The following ERH variants were observed in gnomAD, a reference collection of about 807,000 sequenced individuals.
ERH encodes ERH mRNA splicing and mitosis factor.
ERH carries 1 observed loss-of-function variant against 16.8 expected under a neutral mutation model. The observed-to-expected ratio is 0.06, with a 90% CI of 0.02 to 0.28. The LOEUF (loss-of-function observed/expected upper bound fraction) is 0.28. Ranked by LOEUF, ERH falls within the 10% of genes least tolerant of loss-of-function variation. ERH has a pLI of 1.00. For missense variants in ERH, 42 were observed against 127.5 expected, an observed-to-expected ratio of 0.33 and a Z score of 3.23; for synonymous variants, 43 against 43.6, an observed-to-expected ratio of 0.99 and a Z score of 0.05.
chr14:69,388,677 T>C (rs1312340358), intron 2 of ERH, among the ~76,000 whole-genome samples: 1 of 152,122 alleles, frequency 6.6e-6, no homozygotes, highest in Non-Finnish European at 1.5e-5. Flanking sequence ...CTCTCCTTTC[T>C]TATTCCCACA....
At position 69,380,223 on chromosome 14, in the gene ERH, T is replaced by G; in HGVS notation, c.*315A>C. 2.1e-5 allele frequency: 4 copies of G among 186,726 alleles called. No homozygotes were observed. The highest frequency in any genetic ancestry group is 1.3e-4 in the East Asian group (1 of 7,988). 11.6% of individuals were successfully genotyped at this position (186,726 alleles called of 1,614,324 possible). On this transcript the variant is annotated 3_prime_UTR_variant, in exon 4 of 4. Transcript: ENST00000557016. ...CCCCCCACCCCATCTTGAAGAAGGG[T>G]TAGTATGTGAATGTTATAAAGTAGA... is the stretch of plus-strand genomic sequence containing the variant.
intron 2 of ERH, among the ~76,000 whole-genome samples, chr14:69,388,243 T>C (rs1316031531): frequency 6.6e-6 from 1 of 152,188 alleles, no homozygotes; most frequent in Non-Finnish European, 1.5e-5. Flanking sequence ...AACAAGGATA[T>C]AAGTACTTAA....
At chr14:69,396,936 C>T (rs1882352398) in intron 1 of ERH, among the ~76,000 whole-genome samples, 1 of 152,184 alleles carries the variant, frequency 6.6e-6, no homozygotes, top group African/African-American at 2.4e-5. Flanking sequence ...TTTGTAGAAA[C>T]CACGTGCATT....
chr14:69,385,433 T>C (rs2045885736), intron 3 of ERH, among the ~76,000 whole-genome samples: 1 of 152,130 alleles, frequency 6.6e-6, no homozygotes, highest in Admixed American at 6.6e-5. Context: ...ATACAGAAGA[T>C]AATTCCCCCC....
At chr14:69,394,034 A>G (rs1882278504) in intron 2 of ERH, among the ~76,000 whole-genome samples, 1 of 152,080 alleles carries the variant, frequency 6.6e-6, no homozygotes. Context: ...GAAAAAAAAA[A>G]AAAGGCCCAG....
At chr14:69,398,057 T>C in intron 1 of ERH, 174 bp downstream of exon 1, 1 of 837,172 alleles carries the variant, frequency 1.2e-6, no homozygotes, top group Non-Finnish European at 1.9e-6. Flanking sequence ...CTCCGAGGCC[T>C]AGAGTCAGGC....
At chr14:69,388,223 T>C (rs2045904249) in intron 2 of ERH, among the ~76,000 whole-genome samples, 1 of 152,128 alleles carries the variant, frequency 6.6e-6, no homozygotes, top group Admixed American at 6.5e-5. Context: ...ACATAAAGCA[T>C]TAGCACATGA....
chr14:69,396,355 G>A (rs1349881817), intron 1 of ERH, among the ~76,000 whole-genome samples: 13 of 152,230 alleles, frequency 8.5e-5, no homozygotes, highest in Non-Finnish European at 1.3e-4. Flanking sequence ...TCTGCTTTCC[G>A]GGTTCAAGCG....
intron 2 of ERH, among the ~76,000 whole-genome samples, chr14:69,388,311 T>C (rs1243721021): frequency 1.3e-5 from 2 of 152,176 alleles, no homozygotes; most frequent in African/African-American, 4.8e-5. Flanking sequence ...TTACTAATTA[T>C]AATTAGCTAT....
intron 3 of ERH, among the ~76,000 whole-genome samples, chr14:69,386,188 T>C (rs1310093397): frequency 1.3e-5 from 2 of 152,208 alleles, no homozygotes; most frequent in African/African-American, 4.8e-5. Flanking sequence ...TTTGGAACTT[T>C]TGGGGAGACA....
intron 1 of ERH, chr14:69,398,021 G>C: frequency 3.1e-6 from 2 of 635,734 alleles, no homozygotes; most frequent in Non-Finnish European, 5.5e-6. Context: ...GAGCAGGCGG[G>C]CGCGCAACCG....
At chr14:69,387,924 T>C (rs1198135038) in intron 2 of ERH, among the ~76,000 whole-genome samples, 2 of 152,170 alleles carry the variant, frequency 1.3e-5, no homozygotes, top group Admixed American at 6.5e-5. Flanking sequence ...CAGGCACCTG[T>C]AGCCCCAGCT....
chr14:69,382,177 C>A (rs1054281660), intron 3 of ERH, among the ~76,000 whole-genome samples: 2 of 152,220 alleles, frequency 1.3e-5, no homozygotes, highest in Non-Finnish European at 2.9e-5. Context: ...ATGCTTTATA[C>A]AATTAACATC....
chr14:69,396,020 G>A (rs1178953494), intron 1 of ERH, among the ~76,000 whole-genome samples: 1 of 152,180 alleles, frequency 6.6e-6, no homozygotes, highest in Non-Finnish European at 1.5e-5. Context: ...TGTTACAAAT[G>A]TCCCTTGGGG....
intron 3 of ERH, among the ~76,000 whole-genome samples, chr14:69,386,359 G>C (rs2045893076): frequency 6.6e-6 from 1 of 152,098 alleles, no homozygotes; most frequent in Non-Finnish European, 1.5e-5. Context: ...TGTATCATAA[G>C]GTGCTTCCAT....
At chr14:69,384,693 A>G (rs1223147191) in intron 3 of ERH, among the ~76,000 whole-genome samples, 3 of 148,992 alleles carry the variant, frequency 2.0e-5, no homozygotes, top group African/African-American at 7.5e-5. Context: ...AATTTTAGAA[A>G]GCTATTCCTC....
At position 69,396,533 on chromosome 14, in the gene ERH, T is replaced by A. The variant is rs560527518; in HGVS notation, c.4-1621A>T. 1.9e-4 allele frequency among the ~76,000 whole-genome samples: 29 copies of A among 152,326 alleles called. No individual in the cohort carries two copies. In the South Asian group the frequency reaches 3.3e-3, roughly 17 times the overall value. On this transcript the variant is annotated intron_variant, in intron 1 of 3. Coordinates refer to ENST00000557016, the MANE Select transcript of ERH (RefSeq NM_004450.3). ...GCCTCGGCCTCCCAAAGTGCTGGGA[T>A]TACAGGCGTGAGCCACCGCGCCTGG...
At chr14:69,392,899 G>C (rs954808141) in intron 2 of ERH, among the ~76,000 whole-genome samples, 1 of 152,186 alleles carries the variant, frequency 6.6e-6, no homozygotes, top group African/African-American at 2.4e-5. Flanking sequence ...TGATAATGTA[G>C]GTTAGGTAAC....
intron 1 of ERH, among the ~76,000 whole-genome samples, chr14:69,395,585 G>A (rs1429537111): frequency 2.6e-5 from 4 of 152,174 alleles, no homozygotes; most frequent in African/African-American, 9.7e-5. Context: ...ATGGGCTGAT[G>A]AAAGGAAACA....
Sources: allele counts gnomAD v4.1 joint callset (sites outside exome capture counted in the v4.1 genomes callset), GRCh38; gene constraint gnomAD v4.1.1; transcripts MANE v1.5; gene names NCBI Gene and HGNC (gene_info 2026-07-23, HGNC 2026-07-21).